COBL: variants seen among roughly 807,000 people sequenced by gnomAD.
The protein encoded by COBL is cordon-bleu WH2 repeat protein, also known as protein cordon-bleu.
Under a neutral mutation model 98.8 loss-of-function variants are expected in COBL, and 51 were observed. The ratio of observed to expected loss-of-function variants is 0.52; its 90% CI spans 0.41 to 0.65. The LOEUF (loss-of-function observed/expected upper bound fraction) is 0.65. COBL is among the 30% of genes least tolerant of loss of function. The pLI is 0.00. For missense variants in COBL, 1,617 were observed against 1,617.5 expected (o/e 1.00, Z 0.01); for synonymous variants, 634 against 651.7 (o/e 0.97, Z 0.41).
chr7:51,140,202 T>A (rs1277358882), intron 5 of COBL, among the ~76,000 whole-genome samples: 1 of 152,100 alleles, frequency 6.6e-6, no homozygotes, highest in Non-Finnish European at 1.5e-5. Flanking sequence ...TCAGGCTTCA[T>A]GGGACTTAGG....
At chr7:51,203,289 C>T (rs80035947) in intron 2 of COBL, among the ~76,000 whole-genome samples, 2 of 117,088 alleles carry the variant, frequency 1.7e-5, no homozygotes, top group Admixed American at 8.0e-5. Context: ...GGTGAAACCC[C>T]GTCTCTACTA....
At chr7:51,261,742 G>A (rs946122043) in intron 1 of COBL, among the ~76,000 whole-genome samples, 3 of 152,094 alleles carry the variant, frequency 2.0e-5, no homozygotes, top group Non-Finnish European at 4.4e-5. Context: ...CGAAGTAGGC[G>A]GATCACCTGA....
intron 6 of COBL, among the ~76,000 whole-genome samples, chr7:51,126,189 G>A (rs970400093): frequency 7.2e-5 from 11 of 152,140 alleles, no homozygotes; most frequent in Non-Finnish European, 1.0e-4. Context: ...TTAGCCAGCC[G>A]TGGTAGCATG....
intron 1 of COBL, among the ~76,000 whole-genome samples, chr7:51,307,348 CAAAACAAAAACA>C (rs376773501): frequency 2.8e-4 from 41 of 148,428 alleles, no homozygotes; most frequent in African/African-American, 8.6e-4. Context: ...GACTCCATCT[CAAAACAAAAACA>C]AAAACAAAAA....
intron 5 of COBL, among the ~76,000 whole-genome samples, chr7:51,144,420 C>G (rs1255127069): frequency 6.6e-6 from 1 of 152,166 alleles, no homozygotes; most frequent in Non-Finnish European, 1.5e-5. Context: ...CTGCACGGAA[C>G]TCCCTGGAGC....
chr7:51,196,811 G>A (rs1790639112), intron 2 of COBL, among the ~76,000 whole-genome samples: 1 of 152,010 alleles, frequency 6.6e-6, no homozygotes, highest in Non-Finnish European at 1.5e-5. Context: ...TAGTTTATGT[G>A]CATAGAAGTG....
chr7:51,182,844 C>T (rs1202530499), intron 5 of COBL, among the ~76,000 whole-genome samples: 1 of 152,038 alleles, frequency 6.6e-6, no homozygotes. Flanking sequence ...AAACCATTAC[C>T]GAAGCTTCAG....
intron 1 of COBL, among the ~76,000 whole-genome samples, chr7:51,304,758 T>C (rs1802296368): frequency 6.6e-6 from 1 of 152,142 alleles, no homozygotes; most frequent in African/African-American, 2.4e-5. Context: ...AAATAGGAAC[T>C]GTCCTGTGAC....
intron 6 of COBL, among the ~76,000 whole-genome samples, chr7:51,103,304 A>G (rs750947245): frequency 6.6e-6 from 1 of 152,202 alleles, no homozygotes; most frequent in African/African-American, 2.4e-5. Context: ...TGTGTGAGAA[A>G]GAGAGAGAAT....
chr7:51,278,449 G>A (rs960772708), intron 1 of COBL, among the ~76,000 whole-genome samples: 1 of 141,008 alleles, frequency 7.1e-6, no homozygotes, highest in Non-Finnish European at 1.5e-5. Context: ...GCGCGATCTC[G>A]GCTCACTGCA....
At chr7:51,019,228 T>C (rs572954336) in intron 12 of COBL, among the ~76,000 whole-genome samples, 2 of 151,914 alleles carry the variant, frequency 1.3e-5, no homozygotes, top group East Asian at 2.0e-4. Flanking sequence ...GGTGGGACTC[T>C]GGAATTTGAT....
intron 7 of COBL, among the ~76,000 whole-genome samples, chr7:51,060,827 C>G (rs1026466057): frequency 2.0e-5 from 3 of 152,144 alleles, no homozygotes; most frequent in African/African-American, 7.2e-5. Flanking sequence ...GCTCCTCAGG[C>G]TTTTGAGTCA....
At chr7:51,288,619 TG>T (rs757141854) in intron 1 of COBL, among the ~76,000 whole-genome samples, 62 of 151,640 alleles carry the variant, frequency 4.1e-4, no homozygotes, top group Non-Finnish European at 6.9e-4. Context: ...CAGGCATGGT[TG>T]GGGGGTGCCT....
intron 6 of COBL, among the ~76,000 whole-genome samples, chr7:51,094,493 A>G (rs1344314409): frequency 1.3e-5 from 2 of 152,168 alleles, no homozygotes; most frequent in Non-Finnish European, 2.9e-5. Flanking sequence ...AAATATAAAC[A>G]ATTATTATTT....
intron 8 of COBL, chr7:51,032,480 G>A (rs1788261152): frequency 6.6e-6 from 1 of 152,228 alleles, no homozygotes; most frequent in Non-Finnish European, 1.5e-5. Context: ...TTCCATCACT[G>A]CTAATCAGGC....
intron 5 of COBL, among the ~76,000 whole-genome samples, chr7:51,137,296 G>A (rs149122515): frequency 2.4e-4 from 36 of 152,304 alleles, no homozygotes; most frequent in African/African-American, 8.7e-4. Context: ...GGTGTCAGGA[G>A]TAAGATACAA....
chr7:51,109,575 T>C (rs1215047202), intron 6 of COBL, among the ~76,000 whole-genome samples: 2 of 151,930 alleles, frequency 1.3e-5, no homozygotes, highest in Non-Finnish European at 2.9e-5. Flanking sequence ...CCTGCCTGAG[T>C]TATCTTAAAT....
chr7:51,241,893 G>A (rs1241701550), intron 1 of COBL, among the ~76,000 whole-genome samples: 6 of 152,158 alleles, frequency 3.9e-5, no homozygotes, highest in Non-Finnish European at 8.8e-5. Flanking sequence ...GTAATGTCTG[G>A]AGACAGGGAC....
At chr7:51,316,492 C>A (rs1330556874) in intron 1 of COBL, 101 bp downstream of exon 1, 5 of 862,124 alleles carry the variant, frequency 5.8e-6, no homozygotes, top group Non-Finnish European at 7.6e-6. Context: ...CCCGCTGGGG[C>A]GGCAGAGAGG....
Sources: gnomAD v4.1 joint callset for allele counts (sites outside exome capture counted in the v4.1 genomes callset) on GRCh38, gnomAD v4.1.1 for gene constraint, MANE v1.5 for transcripts, NCBI Gene and HGNC (gene_info 2026-07-23, HGNC 2026-07-21) for gene names.